The following NCOA2 variants were observed in gnomAD, a reference collection of about 807,000 sequenced individuals.
NCOA2 encodes the protein class E basic helix-loop-helix protein 75.
Under a neutral mutation model 145.1 loss-of-function variants are expected in NCOA2, and 21 were observed. The ratio of observed to expected loss-of-function variants is 0.14; its 90% CI spans 0.10 to 0.21. The LOEUF is 0.21. NCOA2 is among the 10% of genes least tolerant of loss of function. NCOA2 has a pLI of 1.00. For synonymous variants in NCOA2, 619 were observed against 637.5 expected, an observed-to-expected ratio of 0.97 and a Z score of 0.44; for missense variants, 1,472 against 1,837.6, an observed-to-expected ratio of 0.80 and a Z score of 3.64.
chr8:70,374,493 A>G (rs1471540706), intron 1 of NCOA2, among the ~76,000 whole-genome samples: 2 of 151,914 alleles, frequency 1.3e-5, no homozygotes, highest in Non-Finnish European at 2.9e-5. Context: ...AAAAGAAAAA[A>G]GAAATGGACA....
intron 1 of NCOA2, among the ~76,000 whole-genome samples, chr8:70,346,826 C>T (rs1266467239): frequency 6.6e-6 from 1 of 152,184 alleles, no homozygotes; most frequent in African/African-American, 2.4e-5. Context: ...ATGTAATTTC[C>T]ATATGCATCT....
chr8:70,174,657 G>A (rs1814630576), intron 5 of NCOA2, 99 bp downstream of exon 5: 1 of 1,119,588 alleles, frequency 8.9e-7, no homozygotes, highest in Middle Eastern at 2.0e-4. Flanking sequence ...ACTAGTACTA[G>A]TGTGGATTCT....
intron 4 of NCOA2, among the ~76,000 whole-genome samples, chr8:70,175,890 T>C (rs956466442): frequency 1.3e-5 from 2 of 149,680 alleles, no homozygotes; most frequent in African/African-American, 2.5e-5. Context: ...TTGTCAAAAA[T>C]ATTTTATACA....
chr8:70,444,099 C>T, the NCOA2 span, among the ~76,000 whole-genome samples: 1 of 152,168 alleles, frequency 6.6e-6, no homozygotes, highest in Non-Finnish European at 1.5e-5. Context: ...GTAATAGTCC[C>T]AAAGTGGAAA....
chr8:70,272,637 G>C (rs116513241), intron 2 of NCOA2, among the ~76,000 whole-genome samples: 1 of 152,130 alleles, frequency 6.6e-6, no homozygotes, highest in Non-Finnish European at 1.5e-5. Context: ...GGGTGTGCAC[G>C]TAAGAGGGAA....
intron 2 of NCOA2, among the ~76,000 whole-genome samples, chr8:70,245,616 C>T (rs749912165): frequency 4.1e-4 from 62 of 152,132 alleles, no homozygotes; most frequent in Middle Eastern, 3.4e-3. Context: ...TGTACACATG[C>T]ACTCACATAC....
intron 1 of NCOA2, among the ~76,000 whole-genome samples, chr8:70,374,754 A>T (rs1053236503): frequency 6.6e-6 from 1 of 151,568 alleles, no homozygotes; most frequent in African/African-American, 2.4e-5. Context: ...GTGAGCTATG[A>T]TCATGCTACT....
rs997903025 is a variant in NCOA2, at chr8:70,296,957, G to A, written c.-76-157C>T. On this transcript the variant is annotated intron_variant, in intron 1 of 22. Coordinates refer to ENST00000452400, the MANE Select transcript of NCOA2 (RefSeq NM_006540.4). ...CATTAATAACATCTCTTATTAAATC[G>A]CATGGTAAATCAAGAAGTAGACTTG... Among the ~76,000 whole-genome samples, 13 of 152,256 alleles carry A rather than the reference G, an allele frequency of 8.5e-5. No individual in the cohort carries two copies. In the East Asian group the frequency reaches 1.2e-3, roughly 14 times the overall value.
At chr8:70,133,051 T>C (rs1809326467) in intron 15 of NCOA2, among the ~76,000 whole-genome samples, 1 of 151,858 alleles carries the variant, frequency 6.6e-6, no homozygotes. Flanking sequence ...AAATTAATTG[T>C]CAGATTAGAG....
At chr8:70,252,354 C>T (rs1191650289) in intron 2 of NCOA2, among the ~76,000 whole-genome samples, 1 of 152,154 alleles carries the variant, frequency 6.6e-6, no homozygotes, top group East Asian at 1.9e-4. Context: ...GTCAGAGGAT[C>T]GCTCGAGCCC....
intron 1 of NCOA2, among the ~76,000 whole-genome samples, chr8:70,392,316 T>C (rs147615773): frequency 3.2e-3 from 486 of 152,296 alleles, no homozygotes; most frequent in African/African-American, 0.011. Context: ...TCCATCTGAG[T>C]CGCACAGTGT....
the NCOA2 span, among the ~76,000 whole-genome samples, chr8:70,416,116 A>G: frequency 6.6e-6 from 1 of 152,100 alleles, no homozygotes; most frequent in Non-Finnish European, 1.5e-5. Flanking sequence ...AATTGAAGCA[A>G]GAGTTGATGT....
intron 2 of NCOA2, among the ~76,000 whole-genome samples, chr8:70,258,329 A>G (rs1236622320): frequency 6.6e-6 from 1 of 152,156 alleles, no homozygotes; most frequent in Non-Finnish European, 1.5e-5. Context: ...AATGAGACCC[A>G]ATTTTCATTT....
intron 4 of NCOA2, among the ~76,000 whole-genome samples, chr8:70,182,196 C>A (rs992670058): frequency 6.6e-6 from 1 of 152,190 alleles, no homozygotes; most frequent in African/African-American, 2.4e-5. Flanking sequence ...ATTAAAAGCG[C>A]GCAGCTGCAC....
the NCOA2 span, among the ~76,000 whole-genome samples, chr8:70,451,229 A>ATATATATATATATATATATATATATATAT: frequency 8.8e-6 from 1 of 114,182 alleles, no homozygotes; most frequent in African/African-American, 3.8e-5. Flanking sequence ...AAAAAAAAAA[A>ATATATATATATATATATATATATATATAT]AAAAAAAAAT....
chr8:70,210,754 G>C (rs921608117), intron 4 of NCOA2, among the ~76,000 whole-genome samples: 2 of 151,998 alleles, frequency 1.3e-5, no homozygotes, highest in African/African-American at 4.8e-5. Flanking sequence ...TGACACTGGA[G>C]CAGGGTTCCA....
At chr8:70,305,359 A>G (rs1399888990) in intron 1 of NCOA2, among the ~76,000 whole-genome samples, 2 of 152,190 alleles carry the variant, frequency 1.3e-5, no homozygotes, top group African/African-American at 4.8e-5. Context: ...GGTCAAATCT[A>G]TCAACACAAC....
At chr8:70,413,097 CAAAAAA>C in the NCOA2 span, among the ~76,000 whole-genome samples, 2 of 59,316 alleles carry the variant, frequency 3.4e-5, no homozygotes, top group South Asian at 6.7e-4. Flanking sequence ...GACTCCGTCT[CAAAAAA>C]AAAAAAAAAA....
intron 2 of NCOA2, among the ~76,000 whole-genome samples, chr8:70,228,004 CA>C (rs34992637): frequency 7.6e-4 from 85 of 112,280 alleles, no homozygotes; most frequent in South Asian, 3.4e-3. Flanking sequence ...GACTCCATCT[CA>C]AAAAAAAAAA....
Sources: allele counts gnomAD v4.1 joint callset (sites outside exome capture counted in the v4.1 genomes callset), GRCh38; gene constraint gnomAD v4.1.1; transcripts MANE v1.5; gene names NCBI Gene and HGNC (gene_info 2026-07-23, HGNC 2026-07-21).